The following ZC3H18 variants were observed in gnomAD, a reference collection of about 807,000 sequenced individuals.
The protein encoded by ZC3H18 is zinc finger CCCH domain-containing protein 18.
A neutral mutation model predicts 106.1 loss-of-function variants in ZC3H18; 8 were observed. That is an observed-to-expected ratio of 0.08 (90% confidence interval 0.04 to 0.14). ZC3H18 has a LOEUF of 0.14. ZC3H18 is among the 10% of genes least tolerant of loss of function. ZC3H18 has a pLI of 1.00. For synonymous variants in ZC3H18, 635 were observed against 522.1 expected, an observed-to-expected ratio of 1.22 and a Z score of -2.95; for missense variants, 1,318 against 1,278.4, an observed-to-expected ratio of 1.03 and a Z score of -0.47.
At chr16:88,582,219 C>CTTTTTTTTTTTTTTTTTTTTTTTT (rs71391393) in intron 2 of ZC3H18, among the ~76,000 whole-genome samples, 1 of 77,182 alleles carries the variant, frequency 1.3e-5, no homozygotes, top group African/African-American at 5.6e-5. Context: ...TTTTTCTTTT[C>CTTTTTTTTTTTTTTTTTTTTTTTT]TTTTTTTTTT....
At chr16:88,579,196 T>C (rs979246401) in intron 2 of ZC3H18, among the ~76,000 whole-genome samples, 13 of 152,036 alleles carry the variant, frequency 8.6e-5, no homozygotes, top group African/African-American at 2.4e-4. Context: ...TAGGAAGTGG[T>C]CTCCTCAGCT....
chr16:88,594,599 G>C (rs1033864253), intron 3 of ZC3H18, among the ~76,000 whole-genome samples: 1 of 152,136 alleles, frequency 6.6e-6, no homozygotes, highest in African/African-American at 2.4e-5. Context: ...ACATTGTTTA[G>C]TGAAAAAAAG....
At chr16:88,622,435 G>A (rs368749779) in intron 9 of ZC3H18, 47 bp downstream of exon 9, 45 of 1,531,196 alleles carry the variant, frequency 2.9e-5, no homozygotes, top group Middle Eastern at 1.7e-4. Context: ...CCTTGGAGCC[G>A]TCAGCTGACA....
chr16:88,621,848 A>G lies in ZC3H18; in HGVS notation c.1476-349A>G, dbSNP rs151016165. Among the ~76,000 whole-genome samples, 35 of 152,356 alleles carry G rather than the reference A, an allele frequency of 2.3e-4. No homozygotes were observed. The East Asian group carries it at 6.7e-3, about 29-fold the overall frequency. On this transcript the variant is annotated intron_variant, in intron 8 of 17. Coordinates refer to ENST00000301011, the MANE Select transcript of ZC3H18 (RefSeq NM_144604.4). ...GTATATCAGCACTAGAGATAGTATT[A>G]GACACGGCAGACACCATCCCTGTCC... is the stretch of plus-strand genomic sequence containing the variant.
intron 3 of ZC3H18, among the ~76,000 whole-genome samples, chr16:88,594,364 A>C (rs1036063179): frequency 1.2e-4 from 19 of 152,262 alleles, no homozygotes; most frequent in African/African-American, 4.6e-4. Flanking sequence ...GACACATATA[A>C]ACCAAGTAAA....
chr16:88,603,646 G>A (rs775374408), intron 6 of ZC3H18, among the ~76,000 whole-genome samples: 17 of 145,510 alleles, frequency 1.2e-4, no homozygotes, highest in Admixed American at 2.7e-4. Flanking sequence ...TTTTTGAGAC[G>A]GAGTCTGGCT....
chr16:88,631,621 A>G lies in ZC3H18; in HGVS notation c.*322A>G. ...TCCGTCTTCTTCCCTGGCCCTGGTCAGGCCTGTGGAGCCCCAGCTCTGGGT... is the reference window on the plus strand; with the variant it reads ...TCCGTCTTCTTCCCTGGCCCTGGTCGGGCCTGTGGAGCCCCAGCTCTGGGT... On this transcript the variant is annotated 3_prime_UTR_variant, in exon 18 of 18. Transcript: ENST00000301011. 2.1e-6 allele frequency: 1 copy of G among 482,862 alleles called. No individual in the cohort carries two copies. Among genetic ancestry groups the G allele is most frequent in the Admixed American group, 2.3e-5 (1 of 43,222 alleles). 29.9% of individuals were successfully genotyped at this position (482,862 alleles called of 1,614,324 possible).
rs142407606 is a variant in ZC3H18 at position 88,599,896 on chromosome 16, G to C, written c.1036G>C (p.Glu346Gln). 1.2e-6 allele frequency: 2 copies of C among 1,614,094 alleles called. No homozygotes were observed. The highest frequency in any genetic ancestry group is 2.7e-5 in the African/African-American group (2 of 74,946). ...EDEREFDKEN[E>Q]VFRDWNSRIP... is the part of the protein sequence containing the mutation. Reference sequence around the variant, plus strand: ...CGAACGGGAATTTGACAAAGAAAATGAAGTTTTTCGAGATTGGAATTCTCG... The same window carrying C: ...CGAACGGGAATTTGACAAAGAAAATCAAGTTTTTCGAGATTGGAATTCTCG... Residue 346 changes from glutamate to glutamine, a missense_variant, in exon 6 of 18, where the codon GAA becomes CAA. Glu to Gln is a conservative substitution (Grantham distance 29). This residue lies in a region of ZC3H18 where 848 missense variants were observed against 821.7 expected (regional missense o/e 1.03). Transcript: ENST00000301011.
intron 9 of ZC3H18, 128 bp downstream of exon 9, chr16:88,622,516 A>G: frequency 9.5e-7 from 1 of 1,053,838 alleles, no homozygotes; most frequent in Non-Finnish European, 1.3e-6. Flanking sequence ...TTACCTGCAG[A>G]CCAGTCAGTG....
intron 2 of ZC3H18, among the ~76,000 whole-genome samples, chr16:88,583,954 CACTT>C (rs1225495146): frequency 1.3e-5 from 2 of 152,194 alleles, no homozygotes; most frequent in African/African-American, 2.4e-5. Context: ...GCGTGGCAGA[CACTT>C]AGTGTGACAA....
chr16:88,613,838 T>G (rs538544076), intron 8 of ZC3H18, among the ~76,000 whole-genome samples: 4 of 152,346 alleles, frequency 2.6e-5, no homozygotes, highest in African/African-American at 9.6e-5. Flanking sequence ...TCATAAAGAT[T>G]TACTGCCGTG....
At chr16:88,614,189 G>T (rs957478708) in intron 8 of ZC3H18, among the ~76,000 whole-genome samples, 3 of 152,240 alleles carry the variant, frequency 2.0e-5, no homozygotes, top group African/African-American at 7.2e-5. Context: ...ACTGGACTCC[G>T]CTAGACCTGC....
chr16:88,624,816 G>A, intron 12 of ZC3H18, 71 bp downstream of exon 12: 1 of 1,511,632 alleles, frequency 6.6e-7, no homozygotes, highest in Non-Finnish European at 8.8e-7. Context: ...TGGCACTGCT[G>A]GAAATCCAGA....
intron 8 of ZC3H18, among the ~76,000 whole-genome samples, chr16:88,615,706 G>A (rs531550057): frequency 2.0e-5 from 3 of 152,304 alleles, no homozygotes; most frequent in African/African-American, 7.2e-5. Flanking sequence ...TCACTGTGCT[G>A]TGTGGCTCTG....
At chr16:88,617,049 C>T (rs962238778) in intron 8 of ZC3H18, among the ~76,000 whole-genome samples, 3 of 152,172 alleles carry the variant, frequency 2.0e-5, no homozygotes, top group Non-Finnish European at 4.4e-5. Flanking sequence ...AGTTGAGGGC[C>T]TCCCCCGGGA....
In ZC3H18 at chr16:88,622,504, C is replaced by T. The variant is rs768715159; in HGVS notation, c.1667+116C>T. ...CCAGCCCCACTGTTTGCTGTGGCGT[C>T]GTTACCTGCAGACCAGTCAGTGGGA... On this transcript the variant is annotated intron_variant, in intron 9 of 17. Transcript: ENST00000301011. The T allele has an allele frequency of 5.8e-4, 689 of 1,188,784 alleles. 7 individuals carry two copies. Among genetic ancestry groups the T allele is most frequent in the South Asian group, 3.2e-3 (199 of 61,788 alleles). The allele number at this position is 1,188,784 out of a possible 1,614,324, so 73.6% of individuals were successfully genotyped here.
chr16:88,611,244 C>G, intron 7 of ZC3H18, 24 bp from the exon 8 acceptor site: 1 of 757,044 alleles, frequency 1.3e-6, no homozygotes, highest in Non-Finnish European at 2.5e-6. Context: ...ACGGTGTCCC[C>G]ATGTGTTTGG....
At chr16:88,605,997 G>A (rs796905814) in intron 6 of ZC3H18, among the ~76,000 whole-genome samples, 2 of 152,344 alleles carry the variant, frequency 1.3e-5, no homozygotes, top group African/African-American at 2.4e-5. Context: ...CAGATTCCAC[G>A]TGTGTGCACA....
At chr16:88,583,903 AGGCCATC>A (rs1915286634) in intron 2 of ZC3H18, among the ~76,000 whole-genome samples, 1 of 152,114 alleles carries the variant, frequency 6.6e-6, no homozygotes, top group Non-Finnish European at 1.5e-5. Context: ...CATGAGCAGA[AGGCCATC>A]GGCGTGAGGG....
Sources: gnomAD v4.1 joint callset for allele counts (sites outside exome capture counted in the v4.1 genomes callset) on GRCh38, gnomAD v4.1.1 for gene constraint, gnomAD v4.1.1 regional missense constraint, MANE v1.5 for transcripts, NCBI Gene and HGNC (gene_info 2026-07-23, HGNC 2026-07-21) for gene names.